The following LRCH3 variants were observed in gnomAD, a reference collection of about 807,000 sequenced individuals.
LRCH3 encodes the protein leucine rich repeats and calponin homology domain containing 3.
Under a neutral mutation model 104.5 loss-of-function variants are expected in LRCH3, and 68 were observed. The ratio of observed to expected loss-of-function variants is 0.65; its 90% CI spans 0.54 to 0.80. The LOEUF is 0.80. Ranked by LOEUF, LRCH3 falls within the 30% of genes least tolerant of loss-of-function variation. The pLI, the probability that LRCH3 is intolerant of heterozygous loss-of-function variation, is 0.00. For synonymous variants in LRCH3, 344 were observed against 361.3 expected (o/e 0.95, Z 0.54); for missense variants, 951 against 953.9 (o/e 1.00, Z 0.04).
rs772184233 is a variant in LRCH3, at chr3:197,826,877, G to A, written c.641-1G>A. On this transcript the variant is annotated splice_acceptor_variant, in intron 4 of 20. Coordinates refer to ENST00000425562, the MANE Select transcript of LRCH3 (RefSeq NM_001365715.1). LOFTEE classifies it high-confidence loss of function. ...TTCATTTCCATTTTACCTTCTTGCA[G>A]AGCTGGCGGAGTTGCCTTTGATACG... is the stretch of plus-strand genomic sequence containing the variant. The A allele has an allele frequency of 6.2e-7, 1 of 1,614,036 alleles. No individual in the cohort carries two copies.
intron 5 of LRCH3, 81 bp from the exon 6 acceptor site, chr3:197,829,483 T>C: frequency 3.7e-6 from 3 of 804,464 alleles, no homozygotes; most frequent in South Asian, 3.8e-5. Context: ...CCAATGTATG[T>C]TACATAAAAT....
intron 4 of LRCH3, among the ~76,000 whole-genome samples, chr3:197,824,202 T>C (rs1353543026): frequency 3.3e-5 from 5 of 151,946 alleles, no homozygotes; most frequent in African/African-American, 1.2e-4. Flanking sequence ...GTAGCTGGAA[T>C]TACAGGCGCC....
chr3:197,846,557 AC>A (rs1738756965), intron 10 of LRCH3, among the ~76,000 whole-genome samples: 1 of 150,912 alleles, frequency 6.6e-6, no homozygotes, highest in Admixed American at 6.6e-5. Flanking sequence ...AAAAAAAAAA[AC>A]AAAAAAAACA....
intron 4 of LRCH3, among the ~76,000 whole-genome samples, chr3:197,824,760 T>C (rs528745065): frequency 2.0e-4 from 31 of 151,530 alleles, no homozygotes; most frequent in East Asian, 1.6e-3. Context: ...TTAGTAGAGA[T>C]GGGGTTTTAC....
chr3:197,878,527 C>T (rs1274271370), intron 20 of LRCH3, among the ~76,000 whole-genome samples: 4 of 152,144 alleles, frequency 2.6e-5, no homozygotes, highest in African/African-American at 9.7e-5. Flanking sequence ...GATGCATCCT[C>T]CCTCCTTCTC....
chr3:197,797,036 CA>C (rs146158698), intron 1 of LRCH3, among the ~76,000 whole-genome samples: 6,944 of 149,952 alleles, frequency 0.046, 293 homozygotes, highest in African/African-American at 0.11. Flanking sequence ...ACTAAAAATA[CA>C]AAAAAATTTG....
At chr3:197,881,352 G>C (rs139440662) in intron 20 of LRCH3, 2 of 988,286 alleles carry the variant, frequency 2.0e-6, no homozygotes, top group Non-Finnish European at 2.4e-6. Flanking sequence ...TCAGTTTGAA[G>C]ATCACCCACA....
intron 3 of LRCH3, among the ~76,000 whole-genome samples, chr3:197,817,784 T>C (rs183279440): frequency 3.9e-5 from 6 of 152,272 alleles, no homozygotes; most frequent in Admixed American, 2.0e-4. Flanking sequence ...TATCTCCCAC[T>C]CTATAAAGTA....
intron 15 of LRCH3, among the ~76,000 whole-genome samples, chr3:197,863,278 T>C (rs1478160917): frequency 6.6e-6 from 1 of 152,182 alleles, no homozygotes; most frequent in East Asian, 1.9e-4. Context: ...ATTTATTTAT[T>C]TTGAGATGGA....
chr3:197,850,576 G>C (rs867469862), intron 12 of LRCH3: 5 of 1,586,092 alleles, frequency 3.2e-6, no homozygotes, highest in African/African-American at 2.7e-5. Context: ...TAGGTCCGGC[G>C]GCACATCTCA....
rs1354011164 is a variant in LRCH3, at chr3:197,847,954, T to C, written c.1463T>C (p.Leu488Pro). Residue 488 changes from leucine (L) to proline (P), a missense_variant, in exon 12 of 21, where the codon CTG becomes CCG. Leu to Pro is a moderately conservative substitution (Grantham distance 98). Coordinates refer to ENST00000425562, the MANE Select transcript of LRCH3 (RefSeq NM_001365715.1). ...RTRREAQLAA[L>P]QYEEEKIRTK... Reference sequence around the variant, plus strand: ...CGGAGAGAGGCTCAGCTTGCTGCCCTGCAGTATGAGGAGGAGAAAATAAGG... The same window carrying C: ...CGGAGAGAGGCTCAGCTTGCTGCCCCGCAGTATGAGGAGGAGAAAATAAGG... 6.2e-7 allele frequency: 1 copy of C among 1,614,136 alleles called. No homozygotes were observed. Among genetic ancestry groups the C allele is most frequent in the Non-Finnish European group, 8.5e-7 (1 of 1,180,004 alleles).
At chr3:197,819,127 GAAA>G (rs1192344643) in intron 3 of LRCH3, among the ~76,000 whole-genome samples, 2 of 133,366 alleles carry the variant, frequency 1.5e-5, no homozygotes, top group African/African-American at 2.8e-5. Flanking sequence ...TTCCGTCTGG[GAAA>G]AAAAAAAAAA....
intron 1 of LRCH3, among the ~76,000 whole-genome samples, chr3:197,794,733 G>C (rs912041174): frequency 1.3e-5 from 2 of 152,174 alleles, no homozygotes; most frequent in African/African-American, 4.8e-5. Context: ...GGCTGGGCCT[G>C]GTGGCTCTCG....
At chr3:197,848,170 T>C (rs1286022363) in intron 12 of LRCH3, 149 bp downstream of exon 12, 4 of 684,310 alleles carry the variant, frequency 5.8e-6, no homozygotes, top group Non-Finnish European at 9.9e-6. Context: ...CTCTTTTACT[T>C]GTGTCTATCT....
At chr3:197,812,504 G>GTTTTTTTTTTTTTCTTTTTTTTTTT (rs1733257088) in intron 1 of LRCH3, among the ~76,000 whole-genome samples, 1 of 48,956 alleles carries the variant, frequency 2.0e-5, no homozygotes, top group Non-Finnish European at 3.5e-5. Context: ...TCTGCTTTCA[G>GTTTTTTTTTTTTTCTTTTTTTTTTT]TTTTTTTTTT....
At chr3:197,851,019 A>G (rs1739520600) in intron 12 of LRCH3, 1 of 766,738 alleles carries the variant, frequency 1.3e-6, no homozygotes, top group Non-Finnish European at 2.4e-6. Flanking sequence ...GAACAAGGAA[A>G]CACGCTCAGA....
intron 19 of LRCH3, among the ~76,000 whole-genome samples, chr3:197,871,843 A>G (rs554715243): frequency 6.6e-6 from 1 of 152,338 alleles, no homozygotes; most frequent in East Asian, 1.9e-4. Flanking sequence ...TAGATTCAGA[A>G]GCTAAGGAAA....
Position 197,791,683 on chromosome 3 carries a change from G to C in LRCH3, c.262+143G>C. 6.2e-6 allele frequency: 6 copies of C among 972,796 alleles called. No homozygotes were observed. The South Asian group carries it at 1.1e-4, about 19-fold the overall frequency. The allele number at this position is 972,796 out of a possible 1,614,324, so 60.3% of individuals were successfully genotyped here. On this transcript the variant is annotated intron_variant, in intron 1 of 20. Transcript: ENST00000425562. ...ACCCGGGTAACGGGGAGAAGCCGAC[G>C]GCGCCAGCCCTCCGGGCCTGCGCCA...
intron 3 of LRCH3, among the ~76,000 whole-genome samples, chr3:197,818,812 G>A (rs1299095440): frequency 6.6e-6 from 1 of 152,104 alleles, no homozygotes; most frequent in Non-Finnish European, 1.5e-5. Context: ...AGTCATATAA[G>A]GAACTTGTGG....
Sources: allele counts gnomAD v4.1 joint callset (sites outside exome capture counted in the v4.1 genomes callset), GRCh38; gene constraint gnomAD v4.1.1; transcripts MANE v1.5; gene names NCBI Gene and HGNC (gene_info 2026-07-23, HGNC 2026-07-21).